CYP7B1: variants seen among roughly 807,000 people sequenced by gnomAD.
The protein encoded by CYP7B1 is cytochrome P450 7B1.
Under a neutral mutation model 42.7 loss-of-function variants are expected in CYP7B1, and 29 were observed. That is an observed-to-expected ratio of 0.68 (90% CI 0.51 to 0.93). The LOEUF (loss-of-function observed/expected upper bound fraction) is 0.93, where lower values mean the gene tolerates loss of function less well. Among genes scored for constraint, CYP7B1 ranks in the 40% least tolerant of loss-of-function variants. The pLI is 0.00. For missense variants in CYP7B1, 655 were observed against 600.5 expected (o/e 1.09, Z -0.95); for synonymous variants, 235 against 218.2 (o/e 1.08, Z -0.68).
At chr8:64,654,622 A>C (rs1806093083) in intron 1 of CYP7B1, among the ~76,000 whole-genome samples, 1 of 152,232 alleles carries the variant, frequency 6.6e-6, no homozygotes, top group Non-Finnish European at 1.5e-5. Context: ...ATTCAATGTT[A>C]TTCTTCTCAA....
At chr8:64,665,910 G>A (rs1016324333) in intron 1 of CYP7B1, among the ~76,000 whole-genome samples, 13 of 152,036 alleles carry the variant, frequency 8.6e-5, no homozygotes, top group Non-Finnish European at 1.6e-4. Context: ...AACTTTTTAC[G>A]ACTGGCAACT....
chr8:64,744,591 A>C (rs148996165), intron 1 of CYP7B1, among the ~76,000 whole-genome samples: 21 of 152,306 alleles, frequency 1.4e-4, no homozygotes, highest in African/African-American at 5.1e-4. Context: ...TTTCTTAAGA[A>C]ACACCAAAGT....
At chr8:64,751,870 G>A (rs946484984) in intron 1 of CYP7B1, among the ~76,000 whole-genome samples, 3 of 152,100 alleles carry the variant, frequency 2.0e-5, no homozygotes. Flanking sequence ...TAACCTCTCT[G>A]ACCTTTTAAT....
chr8:64,719,679 T>C (rs770364380), intron 1 of CYP7B1, among the ~76,000 whole-genome samples: 107 of 152,226 alleles, frequency 7.0e-4, no homozygotes, highest in African/African-American at 2.3e-3. Context: ...CCTCTAACAA[T>C]AGCCGCAAGC....
intron 1 of CYP7B1, among the ~76,000 whole-genome samples, chr8:64,690,135 C>T (rs1303151522): frequency 5.9e-5 from 9 of 152,156 alleles, no homozygotes; most frequent in East Asian, 3.9e-4. Context: ...CGGTGGCTCA[C>T]GCCTGAAATC....
chr8:64,666,342 A>G (rs1806279277), intron 1 of CYP7B1, among the ~76,000 whole-genome samples: 1 of 152,216 alleles, frequency 6.6e-6, no homozygotes, highest in Non-Finnish European at 1.5e-5. Context: ...ATTTCCTTAC[A>G]GAGGTTGCAG....
At chr8:64,651,316 T>C (rs1428744099) in intron 1 of CYP7B1, among the ~76,000 whole-genome samples, 1 of 152,200 alleles carries the variant, frequency 6.6e-6, no homozygotes, top group Non-Finnish European at 1.5e-5. Context: ...GCTCTTTCAA[T>C]AAAACAAAAT....
chr8:64,638,865 G>A (rs915540019), intron 1 of CYP7B1, among the ~76,000 whole-genome samples: 1 of 151,892 alleles, frequency 6.6e-6, no homozygotes, highest in Non-Finnish European at 1.5e-5. Context: ...GCATGAACAT[G>A]TATATGTATT....
chr8:64,765,970 G>A (rs913480509), intron 1 of CYP7B1, among the ~76,000 whole-genome samples: 1 of 152,154 alleles, frequency 6.6e-6, no homozygotes, highest in African/African-American at 2.4e-5. Context: ...TATTGTTACT[G>A]CTAGATTAGA....
intron 4 of CYP7B1, among the ~76,000 whole-genome samples, chr8:64,614,298 A>G (rs534945081): frequency 1.3e-4 from 20 of 152,194 alleles, no homozygotes; most frequent in African/African-American, 4.8e-4. Flanking sequence ...GTAGAAATAG[A>G]AAAAAACCTT....
rs78271046 is a variant in CYP7B1, at chr8:64,796,545, T to C, written c.122+1921A>G. ...TAGTAACATAAATTGAGACTTAGAG[T>C]AGTTTGGCAACATCTATTAAAACAT... On this transcript the variant is annotated intron_variant, in intron 1 of 5. Transcript: ENST00000310193. Among the ~76,000 whole-genome samples the C allele has an allele frequency of 3.9e-5, 6 of 152,008 alleles. No homozygotes were observed. The East Asian group carries it at 1.2e-3, about 29-fold the overall frequency.
intron 1 of CYP7B1, among the ~76,000 whole-genome samples, chr8:64,700,368 T>C (rs1806897339): frequency 6.6e-6 from 1 of 152,110 alleles, no homozygotes; most frequent in South Asian, 2.1e-4. Flanking sequence ...AAAAGGTCCA[T>C]TATCTGTGAC....
chr8:64,798,481 A>G lies in CYP7B1; in HGVS notation c.107T>C (p.Leu36Pro). ...AALLLLALCLLVRRTRRPGEP... is the reference protein window; with the variant it reads ...AALLLLALCLPVRRTRRPGEP... ...AGGCGCTTACCTGGTGCGCCGGACA[A>G]GCAAGCAGAGGGCCAGGAGCAGCAG... is the stretch of plus-strand genomic sequence containing the variant. Residue 36 changes from leucine (L) to proline (P), a missense_variant, in exon 1 of 6, where the codon CTT becomes CCT. Leu to Pro is a moderately conservative substitution (Grantham distance 98). Coordinates refer to ENST00000310193, the MANE Select transcript of CYP7B1 (RefSeq NM_004820.5). 1 of 1,513,392 alleles carries G rather than the reference A, an allele frequency of 6.6e-7. No homozygotes were observed. Among genetic ancestry groups the G allele is most frequent in the Non-Finnish European group, 8.8e-7 (1 of 1,139,264 alleles). The allele number at this position is 1,513,392 out of a possible 1,614,324, so 93.7% of individuals were successfully genotyped here.
rs1804721100 is a variant in CYP7B1, at chr8:64,797,431, T to A, written c.122+1035A>T. On this transcript the variant is annotated intron_variant, in intron 1 of 5. Coordinates refer to ENST00000310193, the MANE Select transcript of CYP7B1 (RefSeq NM_004820.5). ...GAAGTTCAAGTGTCCTGAGTCCTCA[T>A]CTTGGGCTCTAAAGCAAAAGTACAG... 2.6e-5 allele frequency among the ~76,000 whole-genome samples: 4 copies of A among 152,128 alleles called. No individual in the cohort carries two copies. In the South Asian group the frequency reaches 8.3e-4, roughly 31 times the overall value.
intron 1 of CYP7B1, among the ~76,000 whole-genome samples, chr8:64,637,427 T>C (rs1208114003): frequency 6.6e-6 from 1 of 152,234 alleles, no homozygotes; most frequent in African/African-American, 2.4e-5. Flanking sequence ...GTTTTGGTGT[T>C]GTCATGAGCT....
chr8:64,692,936 G>C (rs34063814), intron 1 of CYP7B1, among the ~76,000 whole-genome samples: 1 of 152,168 alleles, frequency 6.6e-6, no homozygotes, highest in Non-Finnish European at 1.5e-5. Context: ...TCTATTTCCA[G>C]AATTTCATAT....
chr8:64,765,316 A>G (rs13271746), intron 1 of CYP7B1, among the ~76,000 whole-genome samples: 35,136 of 152,146 alleles, frequency 0.23, 4,525 homozygotes, highest in African/African-American at 0.34. Context: ...AAGGAAGTTC[A>G]CATTGGAAAA....
chr8:64,624,629 G>T, intron 1 of CYP7B1, 90 bp from the exon 2 acceptor site: 3 of 1,447,810 alleles, frequency 2.1e-6, no homozygotes, highest in Non-Finnish European at 2.9e-6. Flanking sequence ...GAATCTAGAA[G>T]GTGACTGCAT....
At chr8:64,707,706 T>C (rs1247538053) in intron 1 of CYP7B1, among the ~76,000 whole-genome samples, 1 of 152,120 alleles carries the variant, frequency 6.6e-6, no homozygotes, top group Non-Finnish European at 1.5e-5. Flanking sequence ...TTTTTTCACT[T>C]TTCTTGCACT....
Sources: gnomAD v4.1 joint callset for allele counts (sites outside exome capture counted in the v4.1 genomes callset) on GRCh38, gnomAD v4.1.1 for gene constraint, MANE v1.5 for transcripts, NCBI Gene and HGNC (gene_info 2026-07-23, HGNC 2026-07-21) for gene names.